The following PCDH11X variants were observed in gnomAD, a reference collection of about 807,000 sequenced individuals.
PCDH11X encodes the protein protocadherin-11 X-linked.
PCDH11X carries 18 observed loss-of-function variants against 53.3 expected under a neutral mutation model. That is an observed-to-expected ratio of 0.34 (90% confidence interval 0.23 to 0.50). PCDH11X has a LOEUF of 0.50. Ranked by LOEUF, PCDH11X falls within the 20% of genes least tolerant of loss-of-function variation. The probability of loss-of-function intolerance (pLI) is 0.98; values close to 1 mark genes in which losing one functional copy is unlikely to be tolerated. For synonymous variants in PCDH11X, 279 were observed against 393.3 expected (o/e 0.71, Z 3.44); for missense variants, 570 against 1,032.4 (o/e 0.55, Z 6.14).
chrX:92,024,287 A>G (rs2062933548), intron 6 of PCDH11X, among the ~76,000 whole-genome samples: 1 of 110,968 alleles, frequency 9.0e-6, no homozygotes, highest in South Asian at 3.8e-4. Flanking sequence ...CCCAAAAACT[A>G]CTTAAGCTGG....
At chrX:91,870,987 A>G (rs781680819) in intron 5 of PCDH11X, among the ~76,000 whole-genome samples, 2 of 110,725 alleles carry the variant, frequency 1.8e-5, no homozygotes, top group African/African-American at 3.3e-5. Context: ...TCCGTTTTTT[A>G]TTGTATTTCC....
intron 10 of PCDH11X, among the ~76,000 whole-genome samples, chrX:92,515,842 AC>A (rs1471845780): frequency 5.4e-5 from 6 of 111,028 alleles, no homozygotes; most frequent in African/African-American, 2.0e-4. Context: ...TAGTGTTATT[AC>A]AAAGTACTTG....
At position 92,440,563 on chromosome X, in the gene PCDH11X, AAG is replaced by A. The variant is rs746916582; in HGVS notation, c.3344-27733_3344-27732del. On this transcript the variant is annotated intron_variant, in intron 9 of 10. Coordinates refer to ENST00000682573, the MANE Select transcript of PCDH11X (RefSeq NM_032968.5). ...TCTCATGAGATCTGATGGTTTTAAA[AAG>A]AGGAGTTCCCCTGCACAAGCTCTCT... 1.4e-4 allele frequency among the ~76,000 whole-genome samples: 15 copies of A among 109,043 alleles called. 1 individual carries two copies. Among genetic ancestry groups the A allele is most frequent in the African/African-American group, 5.0e-4 (15 of 29,935 alleles). 94.7% of individuals were successfully genotyped at this position (109,043 alleles called of 115,157 possible). A position where few individuals can be genotyped will look rare whatever the true frequency, so the allele number is the denominator to read the frequency against.
At chrX:92,470,933 G>T (rs1469926765) in intron 10 of PCDH11X, among the ~76,000 whole-genome samples, 25 of 109,179 alleles carry the variant, frequency 2.3e-4, no homozygotes, top group African/African-American at 8.0e-4. Context: ...GTTGGTTTTG[G>T]TATCAGGGTA....
intron 10 of PCDH11X, among the ~76,000 whole-genome samples, chrX:92,578,762 T>C (rs1414406479): frequency 9.4e-6 from 1 of 106,597 alleles, no homozygotes; most frequent in African/African-American, 3.4e-5. Flanking sequence ...TTTAATATGG[T>C]TATGTATGAA....
intron 8 of PCDH11X, among the ~76,000 whole-genome samples, chrX:92,275,436 G>A (rs1410906819): frequency 9.0e-6 from 1 of 110,943 alleles, no homozygotes; most frequent in Non-Finnish European, 1.9e-5. Flanking sequence ...GTGAAGCCTT[G>A]TGGCAGTACA....
At chrX:91,935,202 A>G (rs984760132) in intron 6 of PCDH11X, among the ~76,000 whole-genome samples, 4 of 109,902 alleles carry the variant, frequency 3.6e-5, no homozygotes, top group African/African-American at 1.3e-4. Flanking sequence ...TAAAAAAAGC[A>G]TTGTTTAAAA....
intron 5 of PCDH11X, among the ~76,000 whole-genome samples, chrX:91,841,175 A>G (rs1204258578): frequency 9.0e-6 from 1 of 111,595 alleles, no homozygotes; most frequent in East Asian, 2.8e-4. Context: ...ATCTTTATTA[A>G]TGCTGTCAGG....
chrX:92,380,309 T>C (rs2070846301), intron 8 of PCDH11X, among the ~76,000 whole-genome samples: 1 of 109,621 alleles, frequency 9.1e-6, no homozygotes, highest in Admixed American at 9.8e-5. Flanking sequence ...CACACCCCTC[T>C]CCTCCCTGCA....
intron 10 of PCDH11X, among the ~76,000 whole-genome samples, chrX:92,552,333 C>G (rs2074974023): frequency 9.3e-6 from 1 of 107,796 alleles, no homozygotes; most frequent in Non-Finnish European, 1.9e-5. Context: ...TTTAAAATTT[C>G]TCTTACAGAT....
rs1298226364 is a variant in PCDH11X, at chrX:92,328,022, G to A, written c.3145-59713G>A. Among the ~76,000 whole-genome samples, 75 of 105,899 alleles carry A rather than the reference G, an allele frequency of 7.1e-4. 2 individuals are homozygous for A. The highest frequency in any genetic ancestry group is 5.7e-3 in the Admixed American group (55 of 9,600). The allele number at this position is 105,899 out of a possible 115,157, so 92.0% of individuals were successfully genotyped here. A position where few individuals can be genotyped will look rare whatever the true frequency, so the allele number is the denominator to read the frequency against. Reference sequence around the variant, plus strand: ...ATTTCTTGTGAAGATTAAGTGTCAGGGAGTGAATTTACCCTTCACCTGAAA... The same window carrying A: ...ATTTCTTGTGAAGATTAAGTGTCAGAGAGTGAATTTACCCTTCACCTGAAA... On this transcript the variant is annotated intron_variant, in intron 8 of 10. Coordinates refer to ENST00000682573, the MANE Select transcript of PCDH11X (RefSeq NM_032968.5).
At chrX:92,001,040 C>T (rs967258175) in intron 6 of PCDH11X, among the ~76,000 whole-genome samples, 4 of 100,121 alleles carry the variant, frequency 4.0e-5, no homozygotes, top group African/African-American at 1.5e-4. Flanking sequence ...AATAAACATA[C>T]GAGTGCAGAA....
Position 92,286,410 on chromosome X carries a change from G to A in PCDH11X, c.3144+23267G>A, listed in dbSNP as rs1603255109. Among the ~76,000 whole-genome samples, 5 of 98,385 alleles carry A rather than the reference G, an allele frequency of 5.1e-5. No individual in the cohort carries two copies. The East Asian group carries it at 1.7e-3, about 33-fold the overall frequency. The allele number at this position is 98,385 out of a possible 115,157, so 85.4% of individuals were successfully genotyped here. ...GACATTTTGAAAAATAAAGTGAGAA[G>A]TTAAGCATTGTTCCTCTTAAGGTTT... On this transcript the variant is annotated intron_variant, in intron 8 of 10. Coordinates refer to ENST00000682573, the MANE Select transcript of PCDH11X (RefSeq NM_032968.5).
chrX:91,826,213 G>A (rs984103360), intron 4 of PCDH11X, among the ~76,000 whole-genome samples: 13 of 110,680 alleles, frequency 1.2e-4, no homozygotes, highest in African/African-American at 4.3e-4. Flanking sequence ...ATTTTCTTAT[G>A]TATTTACCTA....
intron 10 of PCDH11X, among the ~76,000 whole-genome samples, chrX:92,510,733 G>T (rs2074147301): frequency 9.1e-6 from 1 of 110,433 alleles, no homozygotes; most frequent in African/African-American, 3.3e-5. Flanking sequence ...TCTCTTAATA[G>T]AACTCTCCTG....
intron 6 of PCDH11X, among the ~76,000 whole-genome samples, chrX:91,954,879 G>C (rs1156889427): frequency 9.2e-6 from 1 of 108,675 alleles, no homozygotes; most frequent in Non-Finnish European, 1.9e-5. Context: ...CAGATGGATA[G>C]ATTGCAAAAA....
intron 6 of PCDH11X, among the ~76,000 whole-genome samples, chrX:91,892,556 C>T (rs1054445373): frequency 1.8e-5 from 2 of 111,113 alleles, no homozygotes; most frequent in Non-Finnish European, 3.8e-5. Context: ...TCATGGCATG[C>T]ACTTTGATGC....
chrX:92,409,801 C>A (rs888347826), intron 9 of PCDH11X, among the ~76,000 whole-genome samples: 2 of 111,903 alleles, frequency 1.8e-5, no homozygotes, highest in African/African-American at 6.5e-5. Context: ...CTTTACTCTA[C>A]CTCATTTTGC....
At chrX:92,324,448 C>A (rs1311410227) in intron 8 of PCDH11X, among the ~76,000 whole-genome samples, 3 of 111,704 alleles carry the variant, frequency 2.7e-5, no homozygotes, top group African/African-American at 9.8e-5. Flanking sequence ...TCACTTATAG[C>A]TTTAGAGTGT....
Sources: allele counts gnomAD v4.1 joint callset (sites outside exome capture counted in the v4.1 genomes callset), GRCh38; gene constraint gnomAD v4.1.1; transcripts MANE v1.5; gene names NCBI Gene and HGNC (gene_info 2026-07-23, HGNC 2026-07-21).